NPIPA1: variants seen among roughly 807,000 people sequenced by gnomAD.
NPIPA1 encodes the protein nuclear pore complex interacting protein family member A1.
For synonymous variants in NPIPA1, 7 were observed against 88.0 expected, an observed-to-expected ratio of 0.08 and a Z score of 5.15; for missense variants, 22 against 232.2, an observed-to-expected ratio of 0.09 and a Z score of 5.88.
chr16:14,943,010 A>G (rs1398967184), intron 2 of NPIPA1, among the ~76,000 whole-genome samples: 2 of 152,274 alleles, frequency 1.3e-5, no homozygotes, highest in East Asian at 3.8e-4. Flanking sequence ...AGATAATTAC[A>G]CGTCATTTGG....
chr16:14,938,814 C>A (rs1328082814), intron 1 of NPIPA1, among the ~76,000 whole-genome samples: 1 of 151,846 alleles, frequency 6.6e-6, no homozygotes, highest in East Asian at 2.0e-4. Context: ...TCTCGGCTCA[C>A]TGCAACCTCC....
At chr16:14,946,452 C>T (rs1238176450) in intron 4 of NPIPA1, among the ~76,000 whole-genome samples, 2 of 150,822 alleles carry the variant, frequency 1.3e-5, no homozygotes, top group African/African-American at 2.4e-5. Flanking sequence ...GAACTTCTGA[C>T]CTCAGGTAAT....
chr16:14,939,014 G>A (rs1308397128), intron 1 of NPIPA1, among the ~76,000 whole-genome samples: 6 of 140,014 alleles, frequency 4.3e-5, no homozygotes, highest in African/African-American at 1.1e-4. Flanking sequence ...GAGCCACCGC[G>A]CCTGGCCAAA....
chr16:14,941,394 C>T (rs1223081028), intron 1 of NPIPA1: 2 of 183,816 alleles, frequency 1.1e-5, no homozygotes, highest in African/African-American at 5.1e-5. Flanking sequence ...GAGATTGCAC[C>T]ACTGCACTCC....
intron 1 of NPIPA1, among the ~76,000 whole-genome samples, chr16:14,941,327 C>T (rs1217823696): frequency 9.4e-5 from 12 of 127,906 alleles, no homozygotes; most frequent in East Asian, 3.2e-4. Flanking sequence ...CTCAGCTGCT[C>T]GGGAGGCTGA....
intron 2 of NPIPA1, among the ~76,000 whole-genome samples, chr16:14,944,850 C>T (rs1486596505): frequency 1.7e-4 from 26 of 150,998 alleles, no homozygotes; most frequent in East Asian, 5.9e-4. Flanking sequence ...GTGATTCACC[C>T]GCCTCGGCCT....
At chr16:14,945,225 G>GTAT (rs1965854174) in intron 2 of NPIPA1, among the ~76,000 whole-genome samples, 1 of 92,960 alleles carries the variant, frequency 1.1e-5, no homozygotes, top group Non-Finnish European at 2.2e-5. Context: ...TCATTCTTGT[G>GTAT]TGGTGTGTGT....
At chr16:14,944,750 C>T (rs1330552349) in intron 2 of NPIPA1, among the ~76,000 whole-genome samples, 1 of 150,206 alleles carries the variant, frequency 6.7e-6, no homozygotes, top group African/African-American at 2.4e-5. Flanking sequence ...GGACTACAGG[C>T]GTGCGCCACC....
intron 4 of NPIPA1, among the ~76,000 whole-genome samples, chr16:14,947,364 G>T (rs1965916471): frequency 6.6e-6 from 1 of 151,834 alleles, no homozygotes; most frequent in Non-Finnish European, 1.5e-5. Context: ...CGTCTCTGCA[G>T]GCTCAGTCCC....
chr16:14,947,538 TC>T (rs1306823139), intron 4 of NPIPA1, among the ~76,000 whole-genome samples: 18 of 151,100 alleles, frequency 1.2e-4, no homozygotes, highest in African/African-American at 4.1e-4. Flanking sequence ...CTGCTGTGCT[TC>T]TTTGCATCTC....
At chr16:14,947,173 G>T (rs1253785592) in intron 4 of NPIPA1, among the ~76,000 whole-genome samples, 1 of 152,250 alleles carries the variant, frequency 6.6e-6, no homozygotes, top group South Asian at 2.1e-4. Context: ...TCATGTTTTG[G>T]TCATACTACA....
chr16:14,940,485 G>A (rs1254876949), intron 1 of NPIPA1, among the ~76,000 whole-genome samples: 7 of 149,566 alleles, frequency 4.7e-5, no homozygotes, highest in Non-Finnish European at 1.0e-4. Flanking sequence ...GAGGCAGGTG[G>A]ATCATGAGGT....
At chr16:14,943,023 C>G (rs1459059207) in intron 2 of NPIPA1, among the ~76,000 whole-genome samples, 1 of 152,270 alleles carries the variant, frequency 6.6e-6, no homozygotes, top group Non-Finnish European at 1.5e-5. Flanking sequence ...TCATTTGGCA[C>G]TGCCTTTCAA....
intron 4 of NPIPA1, among the ~76,000 whole-genome samples, chr16:14,946,688 ATTTTTTTTTTTTT>A (rs57059259): frequency 3.3e-5 from 3 of 89,974 alleles, no homozygotes; most frequent in Non-Finnish European, 4.2e-5. Flanking sequence ...CATTCGGCCA[ATTTTTTTTTTTTT>A]TTTTTTTTTT....
chr16:14,938,610 G>A (rs1965681178), intron 1 of NPIPA1, among the ~76,000 whole-genome samples: 2 of 127,880 alleles, frequency 1.6e-5, no homozygotes, highest in South Asian at 5.7e-4. Flanking sequence ...GCTGAGGTGG[G>A]AGGATCGCTT....
At chr16:14,946,936 G>A (rs375509631) in intron 4 of NPIPA1, among the ~76,000 whole-genome samples, 52 of 152,132 alleles carry the variant, frequency 3.4e-4, no homozygotes, top group Middle Eastern at 3.4e-3. Flanking sequence ...ATCATGATCC[G>A]CACAACTCGG....
Position 14,941,125 on chromosome 16 carries a change from C to G in NPIPA1, c.64-687C>G, listed in dbSNP as rs557558750. Among the ~76,000 whole-genome samples, 8 of 151,356 alleles carry G rather than the reference C, an allele frequency of 5.3e-5. No homozygotes were observed. In the South Asian group the frequency reaches 6.3e-4, roughly 12 times the overall value. Reference sequence around the variant, plus strand: ...CCTGGGTGACAGAGTGAGACCCCATCTCAAAAACAACAAACAAAAACAAAA... The same window carrying G: ...CCTGGGTGACAGAGTGAGACCCCATGTCAAAAACAACAAACAAAAACAAAA... On this transcript the variant is annotated intron_variant, in intron 1 of 7. Transcript: ENST00000328085.
intron 2 of NPIPA1, among the ~76,000 whole-genome samples, chr16:14,945,201 A>G (rs1223291951): frequency 1.1e-4 from 17 of 149,596 alleles, no homozygotes; most frequent in East Asian, 4.2e-4. Flanking sequence ...GTGAGCCACC[A>G]TGCCAGCCTC....
intron 4 of NPIPA1, among the ~76,000 whole-genome samples, chr16:14,947,338 A>G (rs1965915534): frequency 6.6e-6 from 1 of 152,138 alleles, no homozygotes; most frequent in South Asian, 2.1e-4. Flanking sequence ...TCCTCCGTAC[A>G]GGCTGCAATT....
Sources: allele counts gnomAD v4.1 joint callset (sites outside exome capture counted in the v4.1 genomes callset), GRCh38; gene constraint gnomAD v4.1.1; transcripts MANE v1.5; gene names NCBI Gene and HGNC (gene_info 2026-07-23, HGNC 2026-07-21).